PDE4B: variants seen among roughly 807,000 people sequenced by gnomAD.
PDE4B encodes 3',5'-cyclic-AMP phosphodiesterase 4B.
A neutral mutation model predicts 82.2 loss-of-function variants in PDE4B; 20 were observed. That is an observed-to-expected ratio of 0.24 (90% CI 0.17 to 0.35). The LOEUF (loss-of-function observed/expected upper bound fraction) is 0.35, where lower values mean the gene tolerates loss of function less well. Among genes scored for constraint, PDE4B ranks in the 10% least tolerant of loss-of-function variants. PDE4B has a pLI of 1.00. For synonymous variants in PDE4B, 320 were observed against 318.9 expected (o/e 1.00, Z -0.04); for missense variants, 655 against 907.2 (o/e 0.72, Z 3.57).
chr1:66,306,914 C>A (rs1019529473), intron 7 of PDE4B, among the ~76,000 whole-genome samples: 1 of 152,080 alleles, frequency 6.6e-6, no homozygotes, highest in African/African-American at 2.4e-5. Context: ...ACAGATGTGG[C>A]ACTTTTGTAA....
chr1:66,035,455 A>G (rs1483964334), intron 3 of PDE4B, among the ~76,000 whole-genome samples: 1 of 152,162 alleles, frequency 6.6e-6, no homozygotes, highest in Non-Finnish European at 1.5e-5. Flanking sequence ...CTTTGTACTT[A>G]TTGACCAACA....
At chr1:65,824,948 C>G (rs772962565) in intron 1 of PDE4B, among the ~76,000 whole-genome samples, 26 of 152,146 alleles carry the variant, frequency 1.7e-4, no homozygotes, top group Non-Finnish European at 3.1e-4. Context: ...TAAACACAAT[C>G]TATCTCTCAT....
intron 3 of PDE4B, among the ~76,000 whole-genome samples, chr1:66,218,788 C>T (rs1650719591): frequency 6.6e-6 from 1 of 152,154 alleles, no homozygotes; most frequent in Admixed American, 6.6e-5. Flanking sequence ...GCACTCTTAA[C>T]ACTTATTACA....
intron 6 of PDE4B, 129 bp from the exon 7 acceptor site, chr1:66,265,909 T>C: frequency 1.4e-6 from 1 of 696,354 alleles, no homozygotes; most frequent in South Asian, 1.6e-5. Context: ...CTTCCGGAGA[T>C]GGCATTATGT....
chr1:65,883,979 A>G (rs1646740409), intron 1 of PDE4B, among the ~76,000 whole-genome samples: 1 of 152,136 alleles, frequency 6.6e-6, no homozygotes, highest in African/African-American at 2.4e-5. Flanking sequence ...GCGTGTGTTG[A>G]ACCAGCCTTG....
intron 1 of PDE4B, among the ~76,000 whole-genome samples, chr1:65,820,999 C>T (rs900352437): frequency 1.3e-5 from 2 of 152,166 alleles, no homozygotes; most frequent in African/African-American, 4.8e-5. Context: ...TCCTTAGAGC[C>T]TCAGAATTCA....
At chr1:65,900,729 G>C (rs887405496) in intron 1 of PDE4B, among the ~76,000 whole-genome samples, 4 of 152,018 alleles carry the variant, frequency 2.6e-5, no homozygotes, top group African/African-American at 4.8e-5. Context: ...TTGTGAATGA[G>C]ATTACATTCT....
rs117303619 is a variant in PDE4B, at chr1:66,283,595, C to T, written c.634+17508C>T. Among the ~76,000 whole-genome samples the T allele has an allele frequency of 3.1e-4, 47 of 152,192 alleles. No individual in the cohort carries two copies. The East Asian group carries it at 5.4e-3, about 17-fold the overall frequency. ...AAAAATTACCATGTTTTAGAGCTTG[C>T]GTAAGTATAATTTGGAATTTTTTTT... On this transcript the variant is annotated intron_variant, in intron 7 of 16. Coordinates refer to ENST00000341517, the MANE Select transcript of PDE4B (RefSeq NM_002600.4).
chr1:66,302,503 CT>C (rs1657968611), intron 7 of PDE4B, among the ~76,000 whole-genome samples: 1 of 152,038 alleles, frequency 6.6e-6, no homozygotes, highest in African/African-American at 2.4e-5. Context: ...AGGGAGTGGC[CT>C]GGGTGGTGGC....
intron 1 of PDE4B, among the ~76,000 whole-genome samples, chr1:65,904,534 T>C (rs954715944): frequency 6.6e-5 from 10 of 152,194 alleles, no homozygotes; most frequent in African/African-American, 2.4e-4. Flanking sequence ...ATATCTCTCC[T>C]TTATGTTTCA....
At chr1:66,362,478 G>A (rs768734794) in intron 10 of PDE4B, among the ~76,000 whole-genome samples, 2 of 152,156 alleles carry the variant, frequency 1.3e-5, no homozygotes, top group African/African-American at 4.8e-5. Context: ...TTAGAGGAAG[G>A]TTGATTAAAC....
At chr1:66,279,622 A>G (rs1353561590) in intron 7 of PDE4B, among the ~76,000 whole-genome samples, 1 of 152,156 alleles carries the variant, frequency 6.6e-6, no homozygotes, top group Non-Finnish European at 1.5e-5. Flanking sequence ...CAAAAAAAAA[A>G]AGTAAGATAC....
chr1:66,117,279 C>T (rs680078), intron 3 of PDE4B, among the ~76,000 whole-genome samples: 97,374 of 151,944 alleles, frequency 0.64, 31,444 homozygotes, highest in Admixed American at 0.72. Context: ...GATGATCTTA[C>T]AGAGATTTTC....
intron 1 of PDE4B, among the ~76,000 whole-genome samples, chr1:65,839,111 A>G (rs1255956379): frequency 6.7e-6 from 1 of 149,858 alleles, no homozygotes; most frequent in African/African-American, 2.4e-5. Flanking sequence ...TTAGACTATA[A>G]GCTATAAACT....
At chr1:66,267,036 G>T (rs1379325771) in intron 7 of PDE4B, 3 of 157,108 alleles carry the variant, frequency 1.9e-5, no homozygotes, top group Non-Finnish European at 4.2e-5. Context: ...TATAACGGAA[G>T]TATTACAAAA....
In PDE4B at chr1:65,922,570, A is replaced by G. The variant is rs180919796; in HGVS notation, c.281+3735A>G. On this transcript the variant is annotated intron_variant, in intron 3 of 16. Transcript: ENST00000341517. ...TGAAACCTATAATTGCATAGATGCT[A>G]GACCTGGGCAGGATCCCCTCACCTC... is the stretch of plus-strand genomic sequence containing the variant. Among the ~76,000 whole-genome samples the G allele has an allele frequency of 1.9e-3, 297 of 152,328 alleles. 1 individual carries two copies. Among genetic ancestry groups the G allele is most frequent in the Non-Finnish European group, 3.5e-3 (241 of 68,032 alleles).
chr1:66,076,655 TGCAGCCGTGCCA>T (rs1411314145), intron 3 of PDE4B, among the ~76,000 whole-genome samples: 3 of 152,162 alleles, frequency 2.0e-5, no homozygotes, highest in African/African-American at 7.2e-5. Flanking sequence ...CCCCTTTCTC[TGCAGCCGTGCCA>T]GCATCTGTTG....
At chr1:66,222,430 G>C (rs1651068764) in intron 3 of PDE4B, among the ~76,000 whole-genome samples, 1 of 152,174 alleles carries the variant, frequency 6.6e-6, no homozygotes, top group Non-Finnish European at 1.5e-5. Flanking sequence ...TAACAAAAGG[G>C]TTTGGTAAAT....
intron 1 of PDE4B, among the ~76,000 whole-genome samples, chr1:65,890,609 G>T (rs565744941): frequency 6.6e-6 from 1 of 152,126 alleles, no homozygotes; most frequent in South Asian, 2.1e-4. Flanking sequence ...AATAATACCT[G>T]TAGTCAGCTG....
Sources: gnomAD v4.1 joint callset for allele counts (sites outside exome capture counted in the v4.1 genomes callset) on GRCh38, gnomAD v4.1.1 for gene constraint, MANE v1.5 for transcripts, NCBI Gene and HGNC (gene_info 2026-07-23, HGNC 2026-07-21) for gene names.